The following GNG10 variants were observed in gnomAD, a reference collection of about 807,000 sequenced individuals.
GNG10 encodes G protein subunit gamma 10, also known as guanine nucleotide-binding protein G(I)/G(S)/G(O) subunit gamma-10.
A neutral mutation model predicts 6.8 loss-of-function variants in GNG10; 7 were observed. The ratio of observed to expected loss-of-function variants is 1.02; its 90% confidence interval spans 0.58 to 1.92. The LOEUF is 1.92. Ranked by LOEUF, GNG10 falls within the 30% of genes most tolerant of loss-of-function variation. The pLI is 0.00. For missense variants in GNG10, 57 were observed against 86.1 expected (o/e 0.66, Z 1.34); for synonymous variants, 28 against 34.8 (o/e 0.80, Z 0.69).
At position 111,669,699 on chromosome 9, in the gene GNG10, T is replaced by G. The variant is rs1830969036; in HGVS notation, c.*437T>G. 1 of 103,416 alleles carries G rather than the reference T, an allele frequency of 9.7e-6. No individual in the cohort carries two copies. Among genetic ancestry groups the G allele is most frequent in the Non-Finnish European group, 1.8e-5 (1 of 54,200 alleles). 6.4% of individuals were successfully genotyped at this position (103,416 alleles called of 1,614,324 possible). ...AACTGTTGTTCCTGGAAGTTATTTATTCCATAAAAAATTTGTTCTTTTGTC... is the reference window on the plus strand; with the variant it reads ...AACTGTTGTTCCTGGAAGTTATTTAGTCCATAAAAAATTTGTTCTTTTGTC... On this transcript the variant is annotated 3_prime_UTR_variant, in exon 3 of 3. Coordinates refer to ENST00000374293, the MANE Select transcript of GNG10 (RefSeq NM_001017998.4).
At chr9:111,663,775 A>G (rs1326356111) in intron 1 of GNG10, among the ~76,000 whole-genome samples, 1 of 152,054 alleles carries the variant, frequency 6.6e-6, no homozygotes, top group African/African-American at 2.4e-5. Context: ...TGAGCCAGTC[A>G]GATGCCTGTC....
chr9:111,662,884 T>C (rs1277688923), intron 1 of GNG10, among the ~76,000 whole-genome samples: 1 of 152,102 alleles, frequency 6.6e-6, no homozygotes, highest in Non-Finnish European at 1.5e-5. Flanking sequence ...AAACCTAGTT[T>C]TAAAGAGGAA....
chr9:111,663,154 A>G (rs1171426318), intron 1 of GNG10, among the ~76,000 whole-genome samples: 1 of 152,198 alleles, frequency 6.6e-6, no homozygotes, highest in Non-Finnish European at 1.5e-5. Flanking sequence ...ATAGGAGGCC[A>G]GGTTTTCTTC....
chr9:111,662,145 G>A (rs955750146), intron 1 of GNG10, among the ~76,000 whole-genome samples: 4 of 152,156 alleles, frequency 2.6e-5, no homozygotes, highest in Non-Finnish European at 4.4e-5. Context: ...CGTCGTGACA[G>A]GGTGGACGGC....
At chr9:111,663,465 G>A (rs1830855217) in intron 1 of GNG10, among the ~76,000 whole-genome samples, 1 of 152,036 alleles carries the variant, frequency 6.6e-6, no homozygotes, top group Non-Finnish European at 1.5e-5. Context: ...AATGCAGCCA[G>A]CCTCCTGGTG....
chr9:111,665,157 G>A (rs1174475920), intron 1 of GNG10, among the ~76,000 whole-genome samples: 2 of 151,852 alleles, frequency 1.3e-5, no homozygotes, highest in Non-Finnish European at 2.9e-5. Context: ...CAAACTAGTA[G>A]TAATACCTGA....
chr9:111,661,941 T>G lies in GNG10; in HGVS notation c.81+226T>G, dbSNP rs1407389. ...TGGGGGGCCCCGCGGTCGTGGTCGG[T>G]CCCGGTCCCTGGGGGTGCGCCCACT... On this transcript the variant is annotated intron_variant, in intron 1 of 2. Transcript: ENST00000374293. This position sits in a 1 kb window ranked among gnomAD's most constrained non-coding sequence, Gnocchi z 6.1. Among the ~76,000 whole-genome samples the G allele has an allele frequency of 0.18, 27,543 of 151,356 alleles. 3,023 individuals are homozygous for G. The highest frequency in any genetic ancestry group is 0.37 in the East Asian group (1,837 of 4,992).
At chr9:111,662,471 G>A (rs1423771529) in intron 1 of GNG10, among the ~76,000 whole-genome samples, 1 of 152,182 alleles carries the variant, frequency 6.6e-6, no homozygotes, top group East Asian at 1.9e-4. Flanking sequence ...CAAGGTTTCC[G>A]AGCAAGGAAG....
rs1830822394 is a variant in GNG10, at chr9:111,661,760, G to T, written c.81+45G>T. 6 of 1,194,362 alleles carry T rather than the reference G, an allele frequency of 5.0e-6. No individual in the cohort carries two copies. The highest frequency in any genetic ancestry group is 5.4e-6 in the Non-Finnish European group (5 of 925,204). 74.0% of individuals were successfully genotyped at this position (1,194,362 alleles called of 1,614,324 possible). On this transcript the variant is annotated intron_variant, in intron 1 of 2. Transcript: ENST00000374293. This position sits in a 1 kb window ranked among gnomAD's most constrained non-coding sequence, Gnocchi z 6.1. ...ACGCTCCGGTCCTTCCGCCCGCGGG[G>T]CGTGAGAAGAGGAGGCCGGCGGCCC... is the stretch of plus-strand genomic sequence containing the variant.
Position 111,665,904 on chromosome 9 carries a change from T to A in GNG10, c.82-911T>A, listed in dbSNP as rs986204395. On this transcript the variant is annotated intron_variant, in intron 1 of 2. Transcript: ENST00000374293. Reference sequence around the variant, plus strand: ...ACCACACCCGGTTAATTTTTTTTTTTTTTTTTTTTTTAGTAGAGACAGGGT... The same window carrying A: ...ACCACACCCGGTTAATTTTTTTTTTATTTTTTTTTTTAGTAGAGACAGGGT... Among the ~76,000 whole-genome samples, 8 of 150,212 alleles carry A rather than the reference T, an allele frequency of 5.3e-5. No homozygotes were observed. The East Asian group carries it at 1.6e-3, about 29-fold the overall frequency.
chr9:111,666,903 A>G lies in GNG10; in HGVS notation c.170A>G (p.Asn57Ser), dbSNP rs775674485. 6.2e-7 allele frequency: 1 copy of G among 1,613,828 alleles called. No homozygotes were observed. Among genetic ancestry groups the G allele is most frequent in the Non-Finnish European group, 8.5e-7 (1 of 1,179,916 alleles). ...CTGGTGGGTGTTCCAGCTGGAAGTA[A>G]CCCCTTCCGGGAGCCTAGATCCTGT... Reference protein sequence around the residue: ...ALLVGVPAGSNPFREPRSCAL... With the variant: ...ALLVGVPAGSSPFREPRSCAL... The change falls in exon 2 of 3, where the codon AAC becomes AGC. Residue 57 changes from asparagine (N) to serine (S), a missense_variant. Physicochemically the swap from Asn to Ser is conservative, Grantham distance 46. Transcript: ENST00000374293.
At chr9:111,668,478 T>G (rs981113902) in intron 2 of GNG10, among the ~76,000 whole-genome samples, 2 of 139,702 alleles carry the variant, frequency 1.4e-5, no homozygotes, top group African/African-American at 5.1e-5. Flanking sequence ...TCCCTCCTTC[T>G]TTCCTTCCTT....
chr9:111,664,750 G>A (rs1004451333), intron 1 of GNG10, among the ~76,000 whole-genome samples: 8 of 152,074 alleles, frequency 5.3e-5, no homozygotes, highest in Non-Finnish European at 8.8e-5. Flanking sequence ...TTTTGACCAT[G>A]TTCTTGAGCC....
chr9:111,667,261 G>A lies in GNG10; in HGVS notation c.*6+315G>A, dbSNP rs531104940. Among the ~76,000 whole-genome samples the A allele has an allele frequency of 4.6e-5, 7 of 151,772 alleles. No individual in the cohort carries two copies. In the South Asian group the frequency reaches 8.3e-4, roughly 18 times the overall value. Reference sequence around the variant, plus strand: ...TCTTTCTTTTTTTTGAGACAGTCTCGCTCTGTCACCCAGGCTGGAGTACAG... The same window carrying A: ...TCTTTCTTTTTTTTGAGACAGTCTCACTCTGTCACCCAGGCTGGAGTACAG... On this transcript the variant is annotated intron_variant, in intron 2 of 2. Coordinates refer to ENST00000374293, the MANE Select transcript of GNG10 (RefSeq NM_001017998.4).
At position 111,661,838 on chromosome 9, in the gene GNG10, G is replaced by A; in HGVS notation, c.81+123G>A. On this transcript the variant is annotated intron_variant, in intron 1 of 2. Transcript: ENST00000374293. The surrounding 1 kb of genome is among the most constrained non-coding windows in gnomAD (Gnocchi z 6.1). Reference sequence around the variant, plus strand: ...GGCGGCGGCGAGGCCTCGGCGGGGCGCGGGGGCGGTGGGGTCCGCGGTGAG... The same window carrying A: ...GGCGGCGGCGAGGCCTCGGCGGGGCACGGGGGCGGTGGGGTCCGCGGTGAG... 2.4e-6 allele frequency: 1 copy of A among 420,828 alleles called. No homozygotes were observed. Among genetic ancestry groups the A allele is most frequent in the Non-Finnish European group, 3.5e-6 (1 of 282,096 alleles). The allele number at this position is 420,828 out of a possible 1,614,324, so 26.1% of individuals were successfully genotyped here. A position where few individuals can be genotyped will look rare whatever the true frequency, so the allele number is the denominator to read the frequency against.
rs567549577 is a variant in GNG10, at chr9:111,668,346, A to G, written c.*7-923A>G. 1.4e-4 allele frequency among the ~76,000 whole-genome samples: 21 copies of G among 152,118 alleles called. No homozygotes were observed. In the East Asian group the frequency reaches 4.1e-3, roughly 30 times the overall value. ...TCTATCAAATCTTATTGTACTTTTTAATGGAAAATGTTCATATTTATGGTG... is the reference window on the plus strand; with the variant it reads ...TCTATCAAATCTTATTGTACTTTTTGATGGAAAATGTTCATATTTATGGTG... On this transcript the variant is annotated intron_variant, in intron 2 of 2. Coordinates refer to ENST00000374293, the MANE Select transcript of GNG10 (RefSeq NM_001017998.4).
chr9:111,667,092 G>A (rs1056017025), intron 2 of GNG10, 146 bp downstream of exon 2: 2 of 1,341,324 alleles, frequency 1.5e-6, no homozygotes, highest in African/African-American at 2.9e-5. Context: ...TCCCTGAAGT[G>A]TGATTCTAGT....
At position 111,669,276 on chromosome 9, in the gene GNG10, G is replaced by C. The variant is rs1273979387; in HGVS notation, c.*14G>C. 1.3e-5 allele frequency: 2 copies of C among 152,240 alleles called. No individual in the cohort carries two copies. The highest frequency in any genetic ancestry group is 3.8e-4 in the East Asian group (2 of 5,208). 9.4% of individuals were successfully genotyped at this position (152,240 alleles called of 1,614,324 possible). A position where few individuals can be genotyped will look rare whatever the true frequency, so the allele number is the denominator to read the frequency against. On this transcript the variant is annotated 3_prime_UTR_variant, in exon 3 of 3. Transcript: ENST00000374293. ...AACAAACTCTTTTTCCAGTAGGAGA[G>C]AAGTTTGCTGAGGAATGCCTTCAAG... is the stretch of plus-strand genomic sequence containing the variant.
At chr9:111,665,064 T>A (rs966604290) in intron 1 of GNG10, among the ~76,000 whole-genome samples, 9 of 152,098 alleles carry the variant, frequency 5.9e-5, no homozygotes, top group African/African-American at 2.2e-4. Flanking sequence ...CAACCAAAAT[T>A]CCTGGAGCTG....
Sources: allele counts gnomAD v4.1 joint callset (sites outside exome capture counted in the v4.1 genomes callset), GRCh38; gene constraint gnomAD v4.1.1; non-coding constraint Gnocchi (gnomAD v3.1); transcripts MANE v1.5; gene names NCBI Gene and HGNC (gene_info 2026-07-23, HGNC 2026-07-21).